CTNNA2: variants seen among roughly 807,000 people sequenced by gnomAD.
CTNNA2 encodes the protein catenin alpha-2.
Under a neutral mutation model 101.0 loss-of-function variants are expected in CTNNA2, and 42 were observed. That is an observed-to-expected ratio of 0.42 (90% CI 0.32 to 0.54). CTNNA2 has a LOEUF of 0.54. CTNNA2 is among the 20% of genes least tolerant of loss of function. The pLI, the probability that CTNNA2 is intolerant of heterozygous loss-of-function variation, is 0.14. For synonymous variants in CTNNA2, 450 were observed against 456.4 expected (o/e 0.99, Z 0.18); for missense variants, 871 against 1,223.1 (o/e 0.71, Z 4.29).
Position 79,874,333 on chromosome 2 carries a change from T to G in CTNNA2, c.843T>G (p.Asn281Lys). ...TCGGCGAGCTGGCTGCGGCTCTTAA[T>G]GAGTTTGACGTAAGCATCCTGGTGA... ...TGIGELAAAL[N>K]EFDNKIILDP... Residue 281 changes from asparagine to lysine, a missense_variant, in exon 6 of 19, where the codon AAT (asparagine) becomes AAG (lysine). By Grantham distance (94) the Asn-to-Lys change is moderately conservative. Around this residue, in one of 5 missense-constraint regions of CTNNA2, gnomAD observed 647 missense variants for 831.5 expected, o/e 0.78. Transcript: ENST00000402739. 9 of 1,613,314 alleles carry G rather than the reference T, an allele frequency of 5.6e-6. No individual in the cohort carries two copies. The highest frequency in any genetic ancestry group is 7.6e-6 in the Non-Finnish European group (9 of 1,179,920).
At chr2:79,968,509 G>T (rs931974758) in intron 7 of CTNNA2, among the ~76,000 whole-genome samples, 6 of 152,114 alleles carry the variant, frequency 3.9e-5, no homozygotes, top group African/African-American at 1.4e-4. Flanking sequence ...AGTCTCCGTG[G>T]TCCATTCAGG....
chr2:80,150,574 CTTTGAGGATTTT>C (rs1703636423), intron 7 of CTNNA2, among the ~76,000 whole-genome samples: 1 of 152,248 alleles, frequency 6.6e-6, no homozygotes, highest in East Asian at 1.9e-4. Context: ...CAAGCTACAA[CTTTGAGGATTTT>C]TAGATTTTGG....
chr2:79,861,349 G>A (rs1239441627), intron 4 of CTNNA2, among the ~76,000 whole-genome samples: 1 of 152,170 alleles, frequency 6.6e-6, no homozygotes, highest in Non-Finnish European at 1.5e-5. Context: ...GAGGAACAAA[G>A]AGAGAATTAC....
Position 79,886,750 on chromosome 2 carries a change from CAAAAAA to C in CTNNA2, c.852+12429_852+12434del, listed in dbSNP as rs1168632966. On this transcript the variant is annotated intron_variant, in intron 6 of 18. Coordinates refer to ENST00000402739, the MANE Select transcript of CTNNA2 (RefSeq NM_001282597.3). ...TGGGTGACAGAGCAAGACTCCATCT[CAAAAAA>C]AAAAAAAAAAAAAAAAAAAAGAAGG... is the stretch of plus-strand genomic sequence containing the variant. Among the ~76,000 whole-genome samples, 156 of 23,230 alleles carry C rather than the reference CAAAAAA, an allele frequency of 6.7e-3. 1 individual carries two copies. The highest frequency in any genetic ancestry group is 0.028 in the African/African-American group (148 of 5,232). 15.2% of individuals were successfully genotyped at this position (23,230 alleles called of 152,430 possible).
chr2:80,104,500 A>G (rs1429331291), intron 7 of CTNNA2, among the ~76,000 whole-genome samples: 1 of 152,208 alleles, frequency 6.6e-6, no homozygotes. Flanking sequence ...CTAACCGACA[A>G]TAAACCATTC....
intron 18 of CTNNA2, among the ~76,000 whole-genome samples, chr2:80,627,739 T>G (rs6709388): frequency 0.32 from 49,013 of 152,062 alleles, 9,323 homozygotes; most frequent in East Asian, 0.45. Flanking sequence ...ATTTTGGCTT[T>G]TGTTGCCTTT....
At chr2:79,967,310 G>T (rs958821735) in intron 7 of CTNNA2, among the ~76,000 whole-genome samples, 1 of 151,972 alleles carries the variant, frequency 6.6e-6, no homozygotes, top group Non-Finnish European at 1.5e-5. Context: ...AGGCGTCTAG[G>T]TCCCAAACTT....
At chr2:79,299,351 G>A (rs1027396105) in intron 2 of CTNNA2, among the ~76,000 whole-genome samples, 6 of 152,162 alleles carry the variant, frequency 3.9e-5, no homozygotes, top group African/African-American at 1.4e-4. Flanking sequence ...TATTCTGATT[G>A]TTTAGTGCCA....
At chr2:79,284,684 G>A (rs1232005754) in intron 2 of CTNNA2, among the ~76,000 whole-genome samples, 1 of 150,180 alleles carries the variant, frequency 6.7e-6, no homozygotes, top group Non-Finnish European at 1.5e-5. Flanking sequence ...GAGGATTTTT[G>A]CATCAATGTT....
At chr2:80,279,398 C>T (rs1222703638) in intron 7 of CTNNA2, among the ~76,000 whole-genome samples, 11 of 152,088 alleles carry the variant, frequency 7.2e-5, no homozygotes, top group African/African-American at 1.9e-4. Flanking sequence ...CTGGACACAG[C>T]GTCTAGTGCT....
chr2:79,190,937 G>A lies in CTNNA2; in HGVS notation c.-524+5506G>A, dbSNP rs540890091. Among the ~76,000 whole-genome samples, 8 of 152,264 alleles carry A rather than the reference G, an allele frequency of 5.3e-5. No individual in the cohort carries two copies. The South Asian group carries it at 1.7e-3, about 32-fold the overall frequency. ...CTGCCATCTTCTCACTCTACCCATA[G>A]TCATCTATCTCTCCCTCTTTGTTAG... is the stretch of plus-strand genomic sequence containing the variant. On this transcript the variant is annotated intron_variant, in intron 1 of 21. Transcript: ENST00000466387.
chr2:80,360,636 C>G (rs562894428), intron 7 of CTNNA2, among the ~76,000 whole-genome samples: 2 of 152,174 alleles, frequency 1.3e-5, no homozygotes, highest in South Asian at 4.1e-4. Flanking sequence ...TGATTAGTCC[C>G]TGCATATGCT....
chr2:79,208,215 T>C (rs1306144737), intron 2 of CTNNA2, among the ~76,000 whole-genome samples: 38 of 152,190 alleles, frequency 2.5e-4, no homozygotes, highest in East Asian at 3.9e-4. Flanking sequence ...GTAAGATCAT[T>C]TCCTTAATTA....
At chr2:79,702,354 T>C (rs765746598) in intron 2 of CTNNA2, among the ~76,000 whole-genome samples, 5 of 152,144 alleles carry the variant, frequency 3.3e-5, no homozygotes, top group Non-Finnish European at 7.3e-5. Context: ...TTTATTTTCA[T>C]GTTGTATATG....
intron 7 of CTNNA2, among the ~76,000 whole-genome samples, chr2:80,112,440 A>G (rs1459367141): frequency 6.6e-6 from 1 of 152,178 alleles, no homozygotes; most frequent in Admixed American, 6.5e-5. Context: ...ATGGACTGTG[A>G]TGGGGATATA....
intron 7 of CTNNA2, among the ~76,000 whole-genome samples, chr2:80,079,668 G>A (rs549152864): frequency 4.6e-5 from 7 of 151,896 alleles, no homozygotes; most frequent in Non-Finnish European, 1.0e-4. Context: ...AAAAAAATTA[G>A]CCGGGCGTGG....
chr2:79,561,170 TA>T (rs1674755045), intron 1 of CTNNA2, among the ~76,000 whole-genome samples: 1 of 151,978 alleles, frequency 6.6e-6, no homozygotes, highest in South Asian at 2.1e-4. Flanking sequence ...TAAACTGAAT[TA>T]TATAATATAT....
At chr2:80,645,988 C>A (rs74845486) in intron 18 of CTNNA2, among the ~76,000 whole-genome samples, 1 of 151,936 alleles carries the variant, frequency 6.6e-6, no homozygotes, top group Non-Finnish European at 1.5e-5. Flanking sequence ...AAAAACACAG[C>A]GCAACATTAA....
In CTNNA2 at chr2:79,685,863, A is replaced by T. The variant is rs539315731; in HGVS notation, c.102+34205A>T. On this transcript the variant is annotated intron_variant, in intron 2 of 18. Transcript: ENST00000402739. ...TATCCACCTTGCAGTTCCAAAGAGG[A>T]TACTGAGAAGCAAATGGGCAGTTTT... is the stretch of plus-strand genomic sequence containing the variant. Among the ~76,000 whole-genome samples, 6 of 152,268 alleles carry T rather than the reference A, an allele frequency of 3.9e-5. No homozygotes were observed. In the East Asian group the frequency reaches 9.7e-4, roughly 25 times the overall value.
Sources: allele counts gnomAD v4.1 joint callset (sites outside exome capture counted in the v4.1 genomes callset), GRCh38; gene constraint gnomAD v4.1.1; regional missense constraint gnomAD v4.1.1; transcripts MANE v1.5; gene names NCBI Gene and HGNC (gene_info 2026-07-23, HGNC 2026-07-21).